Variants in MMP19 observed in about 807,000 individuals in gnomAD.
MMP19 encodes the protein matrix metallopeptidase 19.
A neutral mutation model predicts 46.6 loss-of-function variants in MMP19; 47 were observed. The observed-to-expected ratio is 1.01, with a 90% CI of 0.80 to 1.29. MMP19 has a LOEUF of 1.29. Ranked by LOEUF, MMP19 falls within the 50% of genes most tolerant of loss-of-function variation. The probability of loss-of-function intolerance (pLI) is 0.00; values close to 1 mark genes in which losing one functional copy is unlikely to be tolerated. For synonymous variants in MMP19, 222 were observed against 248.5 expected (o/e 0.89, Z 1.00); for missense variants, 589 against 643.5 (o/e 0.92, Z 0.92).
At chr12:55,839,168 G>C (rs1881484887) in intron 5 of MMP19, among the ~76,000 whole-genome samples, 1 of 151,542 alleles carries the variant, frequency 6.6e-6, no homozygotes. Flanking sequence ...CTTGAACCCG[G>C]GAGGCGGAGG....
intron 5 of MMP19, among the ~76,000 whole-genome samples, chr12:55,839,241 C>CAAAAAAA (rs763182567): frequency 1.7e-5 from 1 of 58,780 alleles, no homozygotes; most frequent in Non-Finnish European, 3.4e-5. Flanking sequence ...GGCTCTATCT[C>CAAAAAAA]AAAAAAAAAA....
In MMP19 at chr12:55,839,614, A is replaced by G. The variant is rs765023944; in HGVS notation, c.648T>C (p.His216=). ...ATCGGGAGTGCCCAAGCCCCAGAGC[A>G]TGGCCCACTTCATGGGCTGCAATGA... is the stretch of plus-strand genomic sequence containing the variant. ...LRIIAAHEVG[H]ALGLGHSRYS... is the part of the protein sequence containing the mutation. Residue 216 remains histidine, a synonymous_variant, in exon 5 of 9, where the codon CAT becomes CAC. Coordinates refer to ENST00000322569, the MANE Select transcript of MMP19 (RefSeq NM_002429.6). 2.5e-6 allele frequency: 4 copies of G among 1,614,224 alleles called. No homozygotes were observed. Among genetic ancestry groups the G allele is most frequent in the African/African-American group, 2.7e-5 (2 of 75,066 alleles).
In MMP19 at chr12:55,838,687, GCT is replaced by G. The variant is rs772911437; in HGVS notation, c.812_813del (p.Glu271AlafsTer20). 2.5e-6 allele frequency: 4 copies of G among 1,612,486 alleles called. No individual in the cohort carries two copies. The highest frequency in any genetic ancestry group is 2.7e-5 in the African/African-American group (2 of 75,016). On this transcript the variant is annotated frameshift_variant, in exon 6 of 9. Transcript: ENST00000322569. LOFTEE classifies it high-confidence loss of function. ...VIRDEEEEETELPTVPPVPTE... is the reference protein window; with the variant it reads ...VIRDEEEEETXLPTVPPVPTE... ...GTGGGCACTGGGGGCACAGTGGGCA[GCT>G]CTGTCTCTTCTTCTTCCTCATCCCT... is the stretch of plus-strand genomic sequence containing the variant.
At position 55,840,811 on chromosome 12, in the gene MMP19, G is replaced by A. The variant is rs201894718; in HGVS notation, c.376C>T (p.Arg126Trp). ...TGGAAGGCTTGACGCAGGGCTGCCC[G>A]GGCTGTGTGGGGTGGAAGGGTGGAG... The part of the protein sequence containing the change: ...LPSTLPPHTA[R>W]AALRQAFQDW... The change falls in exon 4 of 9, where the codon CGG becomes TGG. Residue 126 changes from arginine (R) to tryptophan (W), a missense_variant. Physicochemically the swap from Arg to Trp is moderately radical, Grantham distance 101 (BLOSUM62 -3). Coordinates refer to ENST00000322569, the MANE Select transcript of MMP19 (RefSeq NM_002429.6). The A allele has an allele frequency of 1.2e-5, 19 of 1,611,574 alleles. No individual in the cohort carries two copies. The highest frequency in any genetic ancestry group is 3.3e-4 in the Middle Eastern group (2 of 6,052).
chr12:55,841,345 A>G, intron 2 of MMP19, 109 bp from the exon 3 acceptor site: 5 of 1,265,546 alleles, frequency 4.0e-6, no homozygotes, highest in Non-Finnish European at 5.6e-6. Flanking sequence ...AGAATAGCAC[A>G]GAATCCCTGA....
At chr12:55,839,892 T>C in intron 4 of MMP19, 151 bp from the exon 5 acceptor site, 1 of 1,065,212 alleles carries the variant, frequency 9.4e-7, no homozygotes, top group South Asian at 1.6e-5. Context: ...CCCTTTCAGA[T>C]TCCCCTGTCA....
Position 55,842,890 on chromosome 12 carries a change from G to C in MMP19, c.-60C>G, listed in dbSNP as rs1372028417. 7.2e-7 allele frequency: 1 copy of C among 1,392,010 alleles called. No individual in the cohort carries two copies. The highest frequency in any genetic ancestry group is 1.0e-6 in the Non-Finnish European group (1 of 1,004,476). 86.2% of individuals were successfully genotyped at this position (1,392,010 alleles called of 1,614,324 possible). On this transcript the variant is annotated 5_prime_UTR_variant, in exon 1 of 9. Coordinates refer to ENST00000322569, the MANE Select transcript of MMP19 (RefSeq NM_002429.6). ...TGCCTCTGACCTGAGATTTCTGGGA[G>C]CCTTGGGGGAGCAGTGCTAGGCAGA...
At chr12:55,840,964 C>T (rs1406495009) in intron 3 of MMP19, 82 bp from the exon 4 acceptor site, 1 of 1,531,160 alleles carries the variant, frequency 6.5e-7, no homozygotes, top group Non-Finnish European at 8.8e-7. Flanking sequence ...AGGCACTCAA[C>T]CCCCAAGACA....
intron 4 of MMP19, chr12:55,840,108 T>C (rs1881574937): frequency 1.3e-5 from 3 of 228,516 alleles, no homozygotes; most frequent in African/African-American, 2.3e-5. Context: ...GGAGGATTGC[T>C]TGAGTACAGG....
chr12:55,840,684 T>C lies in MMP19; in HGVS notation c.503A>G (p.Asn168Ser), dbSNP rs767415935. Residue 168 changes from asparagine to serine, a missense_variant, in exon 4 of 9, where the codon AAT (asparagine) becomes AGT (serine). Physicochemically the swap from Asn to Ser is conservative, Grantham distance 46. Transcript: ENST00000322569. Reference protein sequence around the residue: ...FHGRQSSYCSNTFDGPGRVLA... With the variant: ...FHGRQSSYCSSTFDGPGRVLA... ...TTGCCTACCAGGCCCATCAAAAGTATTGGAACAGTACGAGCTTTGGCGGCC... is the reference window on the plus strand; with the variant it reads ...TTGCCTACCAGGCCCATCAAAAGTACTGGAACAGTACGAGCTTTGGCGGCC... 5.6e-5 allele frequency: 90 copies of C among 1,613,670 alleles called. 1 individual carries two copies. The South Asian group carries it at 9.0e-4, about 16-fold the overall frequency.
intron 2 of MMP19, 86 bp from the exon 3 acceptor site, chr12:55,841,322 A>G: frequency 6.7e-7 from 1 of 1,487,292 alleles, no homozygotes; most frequent in Non-Finnish European, 9.2e-7. Flanking sequence ...CCTGCTGCCC[A>G]AGTTCATGGC....
rs767983625 is a variant in MMP19 at position 55,839,688 on chromosome 12, CG to C, written c.573del (p.Asp191GlufsTer14). ...GTCCCCTCAGTCCAGAACTCGTCTT[CG>C]TCGAAGTGCACACTGCCCAGCTCTG... ...DIPELGSVHFDEDEFWTEGTY... is the reference protein window; with the variant it reads ...DIPELGSVHFXEDEFWTEGTY... On this transcript the variant is annotated frameshift_variant, in exon 5 of 9. Coordinates refer to ENST00000322569, the MANE Select transcript of MMP19 (RefSeq NM_002429.6). LOFTEE classifies it high-confidence loss of function. The C allele has an allele frequency of 3.7e-6, 6 of 1,614,182 alleles. No homozygotes were observed. The highest frequency in any genetic ancestry group is 5.1e-6 in the Non-Finnish European group (6 of 1,180,006).
At chr12:55,841,269 C>T (rs769718478) in intron 2 of MMP19, 33 bp from the exon 3 acceptor site, 2 of 1,595,924 alleles carry the variant, frequency 1.3e-6, no homozygotes, top group South Asian at 1.1e-5. Context: ...TCTACCAGGA[C>T]AGGAAAATCT....
In MMP19 at chr12:55,839,668, C is replaced by T; in HGVS notation, c.594G>A (p.Glu198=). 1 of 1,614,284 alleles carries T rather than the reference C, an allele frequency of 6.2e-7. No individual in the cohort carries two copies. Among genetic ancestry groups the T allele is most frequent in the Non-Finnish European group, 8.5e-7 (1 of 1,180,048 alleles). The stretch of plus-strand genomic sequence containing the variant: ...GCAGGTTCACCCCACGGTAGGTCCC[C>T]TCAGTCCAGAACTCGTCTTCGTCGA... The part of the protein sequence containing the change: ...VHFDEDEFWT[E]GTYRGVNLRI... The change falls in exon 5 of 9, where the codon GAG becomes GAA. Residue 198 remains glutamate, a synonymous_variant. Transcript: ENST00000322569.
intron 1 of MMP19, 117 bp downstream of exon 1, chr12:55,842,627 C>T: frequency 1.1e-6 from 1 of 916,036 alleles, no homozygotes; most frequent in Non-Finnish European, 1.7e-6. Flanking sequence ...GACCATGGGG[C>T]AGAGAGAGCA....
rs141381023 is a variant in MMP19 at position 55,840,336 on chromosome 12, AAGGG to A, written c.520+327_520+330del. Among the ~76,000 whole-genome samples the A allele has an allele frequency of 4.8e-4, 62 of 129,816 alleles. No homozygotes were observed. The South Asian group carries it at 8.3e-3, about 17-fold the overall frequency. 85.2% of individuals were successfully genotyped at this position (129,816 alleles called of 152,430 possible). Reference sequence around the variant, plus strand: ...AGCAAGCAAGAGAGAGGAAGGAAAGAAGGGAGGGAGGGAGGGAGGGAGAGAAGGA... The same window carrying A: ...AGCAAGCAAGAGAGAGGAAGGAAAGAAGGGAGGGAGGGAGGGAGAGAAGGA... On this transcript the variant is annotated intron_variant, in intron 4 of 8. Coordinates refer to ENST00000322569, the MANE Select transcript of MMP19 (RefSeq NM_002429.6).
At position 55,837,309 on chromosome 12, in the gene MMP19, G is replaced by T. The variant is rs772856078; in HGVS notation, c.1254C>A (p.Ile418=). The change falls in exon 9 of 9, where the codon ATC becomes ATA. Residue 418 remains isoleucine (I), a synonymous_variant. Coordinates refer to ENST00000322569, the MANE Select transcript of MMP19 (RefSeq NM_002429.6). ...RTDFSSYPKP[I]KGLFTGVPNQ... is the part of the protein sequence containing the mutation. ...TTGGCACTCCCGTAAACAAACCCTT[G>T]ATTGGTTTGGGGTAGCTGCTGAAGT... The T allele has an allele frequency of 1.2e-6, 2 of 1,613,760 alleles. No homozygotes were observed. Among genetic ancestry groups the T allele is most frequent in the Non-Finnish European group, 1.7e-6 (2 of 1,179,800 alleles).
At chr12:55,837,822 C>G in intron 7 of MMP19, 21 bp downstream of exon 7, 2 of 1,596,132 alleles carry the variant, frequency 1.3e-6, no homozygotes, top group Non-Finnish European at 1.7e-6. Context: ...TCAAGTAAGA[C>G]ACTGTAACTA....
In MMP19 at chr12:55,842,406, C is replaced by T. The variant is rs747602063; in HGVS notation, c.120G>A (p.Lys40=). 1.2e-6 allele frequency: 2 copies of T among 1,613,810 alleles called. No individual in the cohort carries two copies. The highest frequency in any genetic ancestry group is 3.3e-5 in the Admixed American group (2 of 60,032). The change falls in exon 2 of 9, where the codon AAG becomes AAA. Residue 40 remains lysine, a synonymous_variant. Coordinates refer to ENST00000322569, the MANE Select transcript of MMP19 (RefSeq NM_002429.6). ...DYLSQYGYLQ[K]PLEGSNNFKP... ...TGAAGTTATTAGATCCTTCTAGAGG[C>T]TTCTGTAGGTACCCATATTGTGACA...
Sources: gnomAD v4.1 joint callset for allele counts (sites outside exome capture counted in the v4.1 genomes callset) on GRCh38, gnomAD v4.1.1 for gene constraint, MANE v1.5 for transcripts, NCBI Gene and HGNC (gene_info 2026-07-23, HGNC 2026-07-21) for gene names.